Variants in SRGAP1 observed in about 807,000 individuals in gnomAD.
SRGAP1 encodes SLIT-ROBO Rho GTPase-activating protein 1.
In SRGAP1, 43 loss-of-function variants were observed where a neutral mutation model predicts 121.9. The ratio of observed to expected loss-of-function variants is 0.35; its 90% CI spans 0.28 to 0.46. The LOEUF is 0.46. SRGAP1 is among the 20% of genes least tolerant of loss of function. SRGAP1 has a pLI of 1.00. For synonymous variants in SRGAP1, 447 were observed against 485.4 expected (o/e 0.92, Z 1.04); for missense variants, 1,102 against 1,350.9 (o/e 0.82, Z 2.89).
At chr12:64,001,953 G>T (rs151065756) in intron 3 of SRGAP1, among the ~76,000 whole-genome samples, 4 of 152,262 alleles carry the variant, frequency 2.6e-5, no homozygotes, top group Admixed American at 2.6e-4. Flanking sequence ...CTGAATACCC[G>T]CAGCAGTTTA....
chr12:63,899,278 A>G (rs1334936485), intron 1 of SRGAP1, among the ~76,000 whole-genome samples: 1 of 152,030 alleles, frequency 6.6e-6, no homozygotes, highest in African/African-American at 2.4e-5. Context: ...GCTACTCCAA[A>G]GGCAGAGGTA....
chr12:63,861,258 C>G (rs1038393605), intron 1 of SRGAP1, among the ~76,000 whole-genome samples: 1 of 148,496 alleles, frequency 6.7e-6, no homozygotes, highest in Non-Finnish European at 1.5e-5. Flanking sequence ...AGCAATCTGC[C>G]CAGCTTAGCC....
At chr12:63,854,900 G>A (rs1475281516) in intron 1 of SRGAP1, among the ~76,000 whole-genome samples, 2 of 152,188 alleles carry the variant, frequency 1.3e-5, no homozygotes, top group African/African-American at 4.8e-5. Context: ...CTGGGAATGT[G>A]CATGTTCATC....
At chr12:64,089,491 C>T (rs2036008550) in intron 11 of SRGAP1, among the ~76,000 whole-genome samples, 1 of 152,130 alleles carries the variant, frequency 6.6e-6, no homozygotes, top group South Asian at 2.1e-4. Context: ...CCTCCCCGTA[C>T]CTGAATAAAA....
intron 1 of SRGAP1, among the ~76,000 whole-genome samples, chr12:63,851,142 C>T (rs1050558270): frequency 1.3e-5 from 2 of 152,108 alleles, no homozygotes; most frequent in Non-Finnish European, 2.9e-5. Context: ...GGCCACAGAG[C>T]GAGACTCCAT....
intron 1 of SRGAP1, among the ~76,000 whole-genome samples, chr12:63,981,698 A>T (rs1354008967): frequency 6.6e-6 from 1 of 152,132 alleles, no homozygotes; most frequent in Non-Finnish European, 1.5e-5. Flanking sequence ...CACGTCTGTG[A>T]AGTTATAATA....
chr12:63,893,826 C>A (rs2136299152), intron 1 of SRGAP1, among the ~76,000 whole-genome samples: 1 of 152,220 alleles, frequency 6.6e-6, no homozygotes, highest in Middle Eastern at 3.4e-3. Context: ...TGTTAAGAAA[C>A]AAAAGTCTTC....
rs2037014402 is a variant in SRGAP1, at chr12:64,144,244, T to C, written c.*1572T>C. ...TACTGATAAAGATTTTTGTTGTTGT[T>C]GTTGTTGTTGGGAGAAATGGATTTC... On this transcript the variant is annotated 3_prime_UTR_variant, in exon 22 of 22. Transcript: ENST00000355086. 6.6e-6 allele frequency: 1 copy of C among 152,294 alleles called. No individual in the cohort carries two copies. The highest frequency in any genetic ancestry group is 2.1e-4 in the South Asian group (1 of 4,820). The allele number at this position is 152,294 out of a possible 1,614,324, so 9.4% of individuals were successfully genotyped here. A position where few individuals can be genotyped will look rare whatever the true frequency, so the allele number is the denominator to read the frequency against.
intron 1 of SRGAP1, among the ~76,000 whole-genome samples, chr12:63,957,392 G>A (rs1234354032): frequency 6.6e-6 from 1 of 152,144 alleles, no homozygotes; most frequent in Non-Finnish European, 1.5e-5. Flanking sequence ...CCATGAACAG[G>A]AACAAATGCC....
At position 63,844,986 on chromosome 12, in the gene SRGAP1, G is replaced by T; in HGVS notation, c.67+103G>T. Reference sequence around the variant, plus strand: ...GGTGTCTGCGTGGGAGGAAGGTGGTGAGGGGACAGCTCGAGCCCTGTCTGA... The same window carrying T: ...GGTGTCTGCGTGGGAGGAAGGTGGTTAGGGGACAGCTCGAGCCCTGTCTGA... On this transcript the variant is annotated intron_variant, in intron 1 of 21. Transcript: ENST00000355086. The surrounding 1 kb of genome is among the most constrained non-coding windows in gnomAD (Gnocchi z 4.3). 1 of 1,196,408 alleles carries T rather than the reference G, an allele frequency of 8.4e-7. No individual in the cohort carries two copies. Among genetic ancestry groups the T allele is most frequent in the Non-Finnish European group, 1.2e-6 (1 of 805,004 alleles). The allele number at this position is 1,196,408 out of a possible 1,614,324, so 74.1% of individuals were successfully genotyped here.
chr12:64,062,942 G>A lies in SRGAP1; in HGVS notation c.827G>A (p.Ser276Asn), dbSNP rs1465503377. The A allele has an allele frequency of 1.2e-6, 2 of 1,613,778 alleles. No individual in the cohort carries two copies. Among genetic ancestry groups the A allele is most frequent in the African/African-American group, 1.3e-5 (1 of 74,914 alleles). The change falls in exon 7 of 22, where the codon AGT (serine) becomes AAT (asparagine). Residue 276 changes from serine to asparagine, a missense_variant. Ser to Asn is a conservative substitution (Grantham distance 46). Transcript: ENST00000355086. Reference sequence around the variant, plus strand: ...TGCTGTGATCTTGGCTACCATGCAAGTCTGAACAGAGCCCTAAGAACATAT... The same window carrying A: ...TGCTGTGATCTTGGCTACCATGCAAATCTGAACAGAGCCCTAAGAACATAT... ...IDCCDLGYHA[S>N]LNRALRTYLS...
intron 1 of SRGAP1, among the ~76,000 whole-genome samples, chr12:63,855,770 G>T (rs1899229111): frequency 6.6e-6 from 1 of 151,892 alleles, no homozygotes; most frequent in Admixed American, 6.6e-5. Flanking sequence ...TTACAGGCGT[G>T]AGCCACCATG....
intron 1 of SRGAP1, among the ~76,000 whole-genome samples, chr12:63,854,032 A>G (rs1565921410): frequency 1.3e-5 from 2 of 152,208 alleles, no homozygotes; most frequent in African/African-American, 2.4e-5. Context: ...TGCTTTGTGA[A>G]ATATACATAC....
At chr12:64,030,922 C>T (rs2136486723) in intron 4 of SRGAP1, among the ~76,000 whole-genome samples, 1 of 152,340 alleles carries the variant, frequency 6.6e-6, no homozygotes, top group Middle Eastern at 3.4e-3. Flanking sequence ...AATCTTATAT[C>T]CCTGGCATAG....
At chr12:63,938,595 A>G (rs972358564) in intron 1 of SRGAP1, among the ~76,000 whole-genome samples, 6 of 152,138 alleles carry the variant, frequency 3.9e-5, no homozygotes, top group African/African-American at 1.4e-4. Context: ...CCAAATAACA[A>G]TGATGCCTTG....
At chr12:64,025,301 G>C (rs2034630026) in intron 4 of SRGAP1, among the ~76,000 whole-genome samples, 1 of 152,092 alleles carries the variant, frequency 6.6e-6, no homozygotes, top group South Asian at 2.1e-4. Context: ...CAGGAGCTAA[G>C]GCATCCTTCT....
At chr12:63,943,320 C>T (rs1000444964) in intron 1 of SRGAP1, among the ~76,000 whole-genome samples, 1 of 152,158 alleles carries the variant, frequency 6.6e-6, no homozygotes, top group Non-Finnish European at 1.5e-5. Context: ...ATGGTTTCTA[C>T]CATCAAAGAG....
intron 3 of SRGAP1, among the ~76,000 whole-genome samples, chr12:64,007,939 T>G (rs577688694): frequency 2.7e-4 from 41 of 152,316 alleles, no homozygotes; most frequent in African/African-American, 9.4e-4. Flanking sequence ...AAAGTTTATA[T>G]GAATAGACTG....
intron 6 of SRGAP1, among the ~76,000 whole-genome samples, chr12:64,047,831 TTTTTAA>T (rs2035164959): frequency 6.6e-6 from 1 of 152,186 alleles, no homozygotes; most frequent in Non-Finnish European, 1.5e-5. Context: ...AGTGATCACA[TTTTTAA>T]TTTTAATTTT....
Sources: gnomAD v4.1 joint callset for allele counts (sites outside exome capture counted in the v4.1 genomes callset) on GRCh38, gnomAD v4.1.1 for gene constraint, Gnocchi (gnomAD v3.1) non-coding constraint, MANE v1.5 for transcripts, NCBI Gene and HGNC (gene_info 2026-07-23, HGNC 2026-07-21) for gene names.